OGG1: variants seen among roughly 807,000 people sequenced by gnomAD.
OGG1 encodes N-glycosylase/DNA lyase.
Under a neutral mutation model 42.3 loss-of-function variants are expected in OGG1, and 35 were observed. The ratio of observed to expected loss-of-function variants is 0.83; its 90% confidence interval spans 0.63 to 1.10. The LOEUF is 1.10. Ranked by LOEUF, OGG1 falls within the 50% of genes least tolerant of loss-of-function variation. The pLI is 0.00. For synonymous variants in OGG1, 189 were observed against 179.0 expected, an observed-to-expected ratio of 1.06 and a Z score of -0.44; for missense variants, 484 against 446.7, an observed-to-expected ratio of 1.08 and a Z score of -0.75.
intron 2 of OGG1, chr3:9,780,323 A>G (rs1192092306): frequency 1.3e-6 from 2 of 1,588,380 alleles, no homozygotes; most frequent in Non-Finnish European, 1.7e-6. Flanking sequence ...CCCCTCCCCT[A>G]GGCCAGATAA....
At chr3:9,769,185 C>G (rs2078238253), downstream of OGG1, among the ~76,000 whole-genome samples, 1 of 151,888 alleles carries the variant, frequency 6.6e-6, no homozygotes, top group African/African-American at 2.4e-5. Context: ...ATCCCTCACC[C>G]AGCTCCCTCT....
downstream of OGG1, chr3:9,767,615 C>A (rs2125597418): frequency 6.2e-7 from 1 of 1,612,496 alleles, no homozygotes. Flanking sequence ...AAGCCCCACC[C>A]TGGACTCAGC....
chr3:9,751,946 G>A lies in OGG1; in HGVS notation c.562G>A (p.Ala188Thr). The A allele has an allele frequency of 6.2e-7, 1 of 1,614,036 alleles. No homozygotes were observed. Among genetic ancestry groups the A allele is most frequent in the Middle Eastern group, 1.7e-4 (1 of 6,034 alleles). Residue 188 changes from alanine to threonine, a missense_variant, in exon 3 of 7, where the codon GCT becomes ACT. Physicochemically the swap from Ala to Thr is moderately conservative, Grantham distance 58. Coordinates refer to ENST00000344629, the MANE Select transcript of OGG1 (RefSeq NM_002542.6). Reference sequence around the variant, plus strand: ...TGGCTTCCCCAGCCTGCAGGCCCTGGCTGGTGAGTAGGTGGGTCCCCTGCC... The same window carrying A: ...TGGCTTCCCCAGCCTGCAGGCCCTGACTGGTGAGTAGGTGGGTCCCCTGCC... ...YHGFPSLQAL[A>T]GPEVEAHLRK...
At chr3:9,772,107 C>T (rs1430181980) in intron 2 of OGG1, among the ~76,000 whole-genome samples, 6 of 152,164 alleles carry the variant, frequency 3.9e-5, no homozygotes, top group African/African-American at 7.2e-5. Flanking sequence ...CATGAGCTAC[C>T]GCGCCCAGCT....
At chr3:9,764,483 T>C (rs1310088771) in intron 7 of OGG1, among the ~76,000 whole-genome samples, 1 of 152,032 alleles carries the variant, frequency 6.6e-6, no homozygotes, top group Non-Finnish European at 1.5e-5. Context: ...CAGCTAATTT[T>C]GTATTTTTAG....
intron 7 of OGG1, among the ~76,000 whole-genome samples, chr3:9,765,326 A>G (rs2078104058): frequency 6.6e-6 from 1 of 152,122 alleles, no homozygotes; most frequent in South Asian, 2.1e-4. Context: ...AGGAGGTTTC[A>G]TATCAGCATG....
In OGG1 at chr3:9,754,875, TG is replaced by T; in HGVS notation, c.740del (p.Gly247AlafsTer10). 1 of 1,596,368 alleles carries T rather than the reference TG, an allele frequency of 6.3e-7. No homozygotes were observed. The highest frequency in any genetic ancestry group is 8.5e-7 in the Non-Finnish European group (1 of 1,171,056). On this transcript the variant is annotated frameshift_variant, in exon 4 of 7. Coordinates refer to ENST00000344629, the MANE Select transcript of OGG1 (RefSeq NM_002542.6). LOFTEE classifies it high-confidence loss of function. ...AAGGCCCTCTGCATCCTGCCTGGAG[TG>T]GGCACCAAGGTGAGGCCCCAGGGGG... ...AHKALCILPG[V>X]GTKVADCICL...
intron 3 of OGG1, 25 bp downstream of exon 3, chr3:9,751,974 C>T: frequency 6.2e-7 from 1 of 1,607,898 alleles, no homozygotes; most frequent in Non-Finnish European, 8.5e-7. Context: ...CCCCTGCCCC[C>T]AGGCCTTCCA....
intron 2 of OGG1, among the ~76,000 whole-genome samples, chr3:9,779,238 A>G (rs913550536): frequency 1.3e-5 from 2 of 152,144 alleles, no homozygotes; most frequent in Non-Finnish European, 2.9e-5. Flanking sequence ...GCATAAAGCC[A>G]TTACAGTCTC....
exon 4 of OGG1, chr3:9,788,109 T>A: frequency 4.6e-6 from 1 of 218,778 alleles, no homozygotes; most frequent in South Asian, 6.7e-5. Context: ...AAGGCCTGGA[T>A]GCAGCGCCAT....
At chr3:9,758,877 AC>A (rs2077713501), downstream of OGG1, 4 of 359,086 alleles carry the variant, frequency 1.1e-5, no homozygotes, top group Non-Finnish European at 2.1e-5. Flanking sequence ...TGATCCAACC[AC>A]CTCGGCCTCC....
chr3:9,776,388 C>CTTTTTTTTTTT (rs57504240), intron 2 of OGG1, among the ~76,000 whole-genome samples: 4 of 121,106 alleles, frequency 3.3e-5, no homozygotes, highest in Non-Finnish European at 3.4e-5. Context: ...TTTTTCTTTT[C>CTTTTTTTTTTT]TTTTTTTTTT....
In OGG1 at chr3:9,783,812, C is replaced by T. The variant is rs998123674; in HGVS notation, c.382+2212C>T. The T allele has an allele frequency of 1.4e-5, 11 of 762,168 alleles. No individual in the cohort carries two copies. The Middle Eastern group carries it at 1.3e-3, about 87-fold the overall frequency. 47.2% of individuals were successfully genotyped at this position (762,168 alleles called of 1,614,324 possible). A position where few individuals can be genotyped will look rare whatever the true frequency, so the allele number is the denominator to read the frequency against. ...CAAAACAAAAACAAATCAAATCAATCGGTCAGTCACAGATGCCTGAGCCCC... is the reference window on the plus strand; with the variant it reads ...CAAAACAAAAACAAATCAAATCAATTGGTCAGTCACAGATGCCTGAGCCCC... On this transcript the variant is annotated intron_variant, in intron 3 of 3. Coordinates refer to the OGG1 transcript ENST00000426518.
intron 3 of OGG1, among the ~76,000 whole-genome samples, chr3:9,782,534 G>T (rs2078500439): frequency 6.6e-6 from 1 of 152,174 alleles, no homozygotes; most frequent in Admixed American, 6.5e-5. Flanking sequence ...TCCTTTTAAT[G>T]GCACTTATCT....
At chr3:9,781,943 A>G (rs1489246734) in intron 3 of OGG1, among the ~76,000 whole-genome samples, 1 of 148,570 alleles carries the variant, frequency 6.7e-6, no homozygotes, top group African/African-American at 2.5e-5. Context: ...GGATCAAGCA[A>G]TCCTCCCACA....
downstream of OGG1, chr3:9,757,866 A>AGGGAGAG: frequency 1.3e-6 from 2 of 1,592,710 alleles, no homozygotes; most frequent in African/African-American, 2.7e-5. The surrounding 1 kb of genome is among the most constrained non-coding windows in gnomAD (Gnocchi z 4.5). Context: ...AAGGCATTGA[A>AGGGAGAG]GGGAGAGGGG....
chr3:9,767,723 C>G, downstream of OGG1: 1 of 1,614,178 alleles, frequency 6.2e-7, no homozygotes, highest in Admixed American at 1.7e-5. Flanking sequence ...CCTGCTTCCA[C>G]CTGGGGCCTT....
intron 3 of OGG1, chr3:9,787,307 A>G: frequency 6.2e-7 from 1 of 1,613,836 alleles, no homozygotes; most frequent in Non-Finnish European, 8.5e-7. Flanking sequence ...TCCTGGGCCC[A>G]GCGCTGGGAG....
At chr3:9,768,763 C>A (rs2078226460), downstream of OGG1, among the ~76,000 whole-genome samples, 1 of 152,232 alleles carries the variant, frequency 6.6e-6, no homozygotes, top group Non-Finnish European at 1.5e-5. Flanking sequence ...TTCCTTCTCT[C>A]TTTTTCTCTA....
Sources: allele counts gnomAD v4.1 joint callset (sites outside exome capture counted in the v4.1 genomes callset), GRCh38; gene constraint gnomAD v4.1.1; non-coding constraint Gnocchi (gnomAD v3.1); transcripts MANE v1.5; gene names NCBI Gene and HGNC (gene_info 2026-07-23, HGNC 2026-07-21).